Variants in BCAR3 observed in about 807,000 individuals in gnomAD.
BCAR3 encodes BCAR3 adaptor protein, NSP family member.
In BCAR3, 37 loss-of-function variants were observed where a neutral mutation model predicts 80.1. That is an observed-to-expected ratio of 0.46 (90% confidence interval 0.36 to 0.61). The LOEUF (loss-of-function observed/expected upper bound fraction) is 0.61. BCAR3 is among the 20% of genes least tolerant of loss of function. The pLI is 0.00. For missense variants in BCAR3, 978 were observed against 1,068.2 expected (o/e 0.92, Z 1.18); for synonymous variants, 389 against 418.9 (o/e 0.93, Z 0.87).
At chr1:93,797,666 T>C (rs1279303425) in intron 2 of BCAR3, among the ~76,000 whole-genome samples, 1 of 152,024 alleles carries the variant, frequency 6.6e-6, no homozygotes, top group Non-Finnish European at 1.5e-5. Flanking sequence ...GGTTTTATTT[T>C]TGATATATTC....
At chr1:93,668,993 A>G (rs1217590634) in intron 2 of BCAR3, among the ~76,000 whole-genome samples, 1 of 152,178 alleles carries the variant, frequency 6.6e-6, no homozygotes, top group Non-Finnish European at 1.5e-5. Flanking sequence ...AATACAGGCA[A>G]TGAGCCACCG....
chr1:93,631,221 T>C (rs1003892383), intron 3 of BCAR3, among the ~76,000 whole-genome samples: 1 of 152,234 alleles, frequency 6.6e-6, no homozygotes, highest in African/African-American at 2.4e-5. Context: ...TACACCTGTG[T>C]CTGGTCCAAA....
At chr1:93,788,631 A>G (rs1251548411) in intron 2 of BCAR3, among the ~76,000 whole-genome samples, 1 of 152,200 alleles carries the variant, frequency 6.6e-6, no homozygotes, top group Non-Finnish European at 1.5e-5. Context: ...GAGGCTAAAG[A>G]TTGGACCCCG....
intron 2 of BCAR3, among the ~76,000 whole-genome samples, chr1:93,841,379 G>A (rs977311928): frequency 1.3e-5 from 2 of 152,244 alleles, no homozygotes; most frequent in African/African-American, 4.8e-5. Context: ...TTAAATGAAT[G>A]AATGTGGTCT....
chr1:93,779,847 C>T (rs1033085970), intron 2 of BCAR3, among the ~76,000 whole-genome samples: 1 of 152,184 alleles, frequency 6.6e-6, no homozygotes, highest in African/African-American at 2.4e-5. Flanking sequence ...CCTCTTCCCT[C>T]CTCCCCCAAT....
At chr1:93,691,889 A>G (rs1649206001) in intron 3 of BCAR3, among the ~76,000 whole-genome samples, 1 of 152,176 alleles carries the variant, frequency 6.6e-6, no homozygotes, top group Non-Finnish European at 1.5e-5. Flanking sequence ...ACGATCCCAC[A>G]CCATTCTCTT....
At chr1:93,604,545 A>G (rs1162236011) in intron 3 of BCAR3, among the ~76,000 whole-genome samples, 3 of 152,252 alleles carry the variant, frequency 2.0e-5, no homozygotes, top group African/African-American at 7.2e-5. Flanking sequence ...GCAGTAACTT[A>G]ATCCTACATG....
chr1:93,633,533 T>G (rs190385252), intron 3 of BCAR3, among the ~76,000 whole-genome samples: 2 of 152,190 alleles, frequency 1.3e-5, no homozygotes, highest in South Asian at 4.1e-4. Context: ...ACTTTTTCCA[T>G]CTCATCAAGG....
rs1055534296 is a variant in BCAR3 at position 93,813,640 on chromosome 1, T to C, written c.-63+31927A>G. ...TCTTCCTTGACTATTTTAAAGCTAG[T>C]TGGAAACATTGTACCCCTTTACCCC... On this transcript the variant is annotated intron_variant, in intron 2 of 13. Transcript: ENST00000370244. 3.3e-5 allele frequency among the ~76,000 whole-genome samples: 5 copies of C among 152,220 alleles called. 1 individual carries two copies. Among genetic ancestry groups the C allele is most frequent in the South Asian group, 4.1e-4 (2 of 4,834 alleles).
At chr1:93,676,282 G>A (rs754627089) in intron 1 of BCAR3, among the ~76,000 whole-genome samples, 25 of 152,190 alleles carry the variant, frequency 1.6e-4, no homozygotes, top group Non-Finnish European at 1.0e-4. Context: ...GCTGATAGAA[G>A]TGGAGCCGAG....
At chr1:93,825,827 T>C (rs1654352993) in intron 2 of BCAR3, among the ~76,000 whole-genome samples, 1 of 152,204 alleles carries the variant, frequency 6.6e-6, no homozygotes, top group African/African-American at 2.4e-5. Context: ...CTGGTCCCTC[T>C]AAATCTGTGC....
intron 11 of BCAR3, among the ~76,000 whole-genome samples, chr1:93,564,150 T>C (rs971624016): frequency 2.6e-5 from 4 of 152,232 alleles, no homozygotes; most frequent in African/African-American, 9.6e-5. Flanking sequence ...TTCAAATTTT[T>C]GTCTATTTAA....
In BCAR3 at chr1:93,787,741, A is replaced by G. The variant is rs144050686; in HGVS notation, c.-63+57826T>C. On this transcript the variant is annotated intron_variant, in intron 2 of 13. Transcript: ENST00000370244. Reference sequence around the variant, plus strand: ...TGTTTTGTGGCCTATCATATGGTCTATCTTGGAGAATGTTCCACGTGCTGA... The same window carrying G: ...TGTTTTGTGGCCTATCATATGGTCTGTCTTGGAGAATGTTCCACGTGCTGA... 8.9e-3 allele frequency among the ~76,000 whole-genome samples: 1,363 copies of G among 152,300 alleles called. 18 individuals carry two copies. The highest frequency in any genetic ancestry group is 0.032 in the African/African-American group (1,320 of 41,556).
intron 2 of BCAR3, among the ~76,000 whole-genome samples, chr1:93,818,021 C>T (rs146522500): frequency 4.6e-5 from 7 of 152,344 alleles, no homozygotes; most frequent in African/African-American, 7.2e-5. Context: ...TTACCGGTGA[C>T]GCACTGGTTC....
At chr1:93,630,691 G>T (rs1466555551) in intron 3 of BCAR3, among the ~76,000 whole-genome samples, 1 of 152,154 alleles carries the variant, frequency 6.6e-6, no homozygotes. Flanking sequence ...AGAGTAATGA[G>T]ATAGTGACTT....
In BCAR3 at chr1:93,571,826, G is replaced by A. The variant is rs1049562548; in HGVS notation, c.1818C>T (p.Ala606=). 2.0e-5 allele frequency: 32 copies of A among 1,613,776 alleles called. No homozygotes were observed. Among genetic ancestry groups the A allele is most frequent in the Admixed American group, 3.3e-5 (2 of 60,022 alleles). ...CCAGAATGTCCACTGCAATGCCGAT[G>A]GCCATTGTGTTGTGTCTGAAAGCCA... ...LDIIERHNTM[A]IGIAVDILGC... Residue 606 remains alanine (A), a synonymous_variant, in exon 9 of 12, where the codon GCC becomes GCT. Coordinates refer to ENST00000260502, the MANE Select transcript of BCAR3 (RefSeq NM_003567.4).
chr1:93,841,767 C>A (rs145510056), intron 2 of BCAR3, among the ~76,000 whole-genome samples: 7 of 152,294 alleles, frequency 4.6e-5, no homozygotes, highest in Admixed American at 4.6e-4. Flanking sequence ...AGGCTGATGG[C>A]ACAGAACCAT....
intron 11 of BCAR3, among the ~76,000 whole-genome samples, chr1:93,566,719 A>G (rs1395611565): frequency 6.6e-6 from 1 of 152,130 alleles, no homozygotes; most frequent in East Asian, 1.9e-4. Flanking sequence ...TAGAGGTACT[A>G]TTAATAAGTG....
At chr1:93,585,584 C>T (rs1673907234) in intron 5 of BCAR3, among the ~76,000 whole-genome samples, 2 of 152,154 alleles carry the variant, frequency 1.3e-5, no homozygotes, top group South Asian at 4.1e-4. Context: ...ACATTAATTC[C>T]CTGCTTCGAC....
Sources: gnomAD v4.1 joint callset for allele counts (sites outside exome capture counted in the v4.1 genomes callset) on GRCh38, gnomAD v4.1.1 for gene constraint, MANE v1.5 for transcripts, NCBI Gene and HGNC (gene_info 2026-07-23, HGNC 2026-07-21) for gene names.